RABGEF1: variants seen among roughly 807,000 people sequenced by gnomAD.
RABGEF1 encodes the protein RAB guanine nucleotide exchange factor 1, also known as rab5 GDP/GTP exchange factor.
Under a neutral mutation model 57.3 loss-of-function variants are expected in RABGEF1, and 26 were observed. The observed-to-expected ratio is 0.45, with a 90% CI of 0.33 to 0.63. The LOEUF (loss-of-function observed/expected upper bound fraction) is 0.63, where lower values mean the gene tolerates loss of function less well. RABGEF1 is among the 20% of genes least tolerant of loss of function. The pLI is 0.02. For missense variants in RABGEF1, 464 were observed against 607.6 expected (o/e 0.76, Z 2.48); for synonymous variants, 185 against 210.7 (o/e 0.88, Z 1.06).
At chr7:66,763,678 T>A (rs1300352835) in intron 1 of RABGEF1, among the ~76,000 whole-genome samples, 1 of 152,220 alleles carries the variant, frequency 6.6e-6, no homozygotes, top group Non-Finnish European at 1.5e-5. Flanking sequence ...TGACCACTAC[T>A]CTATTTTCTG....
In RABGEF1 at chr7:66,810,306, T is replaced by A. The variant is rs1308302767; in HGVS notation, c.*1022T>A. ...TCATATTAGTGGCCTGAGAGGTGTT[T>A]GTTGTGGGGCCACCCTGTGCATGGT... On this transcript the variant is annotated 3_prime_UTR_variant, in exon 9 of 9. Coordinates refer to ENST00000284957, the MANE Select transcript of RABGEF1 (RefSeq NM_014504.3). 6.6e-6 allele frequency: 1 copy of A among 152,218 alleles called. No individual in the cohort carries two copies. The highest frequency in any genetic ancestry group is 6.5e-5 in the Admixed American group (1 of 15,282). 9.4% of individuals were successfully genotyped at this position (152,218 alleles called of 1,614,324 possible). A position where few individuals can be genotyped will look rare whatever the true frequency, so the allele number is the denominator to read the frequency against.
chr7:66,787,069 C>T (rs1398440408), intron 4 of RABGEF1, among the ~76,000 whole-genome samples: 1 of 152,106 alleles, frequency 6.6e-6, no homozygotes, highest in Non-Finnish European at 1.5e-5. Context: ...CTCTGTTGGC[C>T]AGGCTGGAGT....
intron 1 of RABGEF1, among the ~76,000 whole-genome samples, chr7:66,683,756 TGAGA>T: frequency 6.8e-6 from 1 of 147,718 alleles, no homozygotes; most frequent in South Asian, 2.1e-4. Context: ...ATTTATTTAT[TGAGA>T]GAGAGGGTCT....
intron 1 of RABGEF1, among the ~76,000 whole-genome samples, chr7:66,741,322 G>A (rs1179990373): frequency 6.6e-6 from 1 of 152,224 alleles, no homozygotes; most frequent in Non-Finnish European, 1.5e-5. Context: ...CCGGAGTTGG[G>A]AGGGGATTTG....
At chr7:66,783,429 A>C (rs1412212803) in intron 3 of RABGEF1, among the ~76,000 whole-genome samples, 1 of 152,242 alleles carries the variant, frequency 6.6e-6, no homozygotes, top group East Asian at 1.9e-4. Flanking sequence ...TACTAATAGA[A>C]CAACTTTTAT....
chr7:66,750,739 G>A (rs2129060944), intron 1 of RABGEF1, among the ~76,000 whole-genome samples: 1 of 152,294 alleles, frequency 6.6e-6, no homozygotes, highest in Non-Finnish European at 1.5e-5. Context: ...TGGACTACAG[G>A]TCCAACCAGT....
chr7:66,784,596 GAAAA>G (rs955846836), intron 4 of RABGEF1, among the ~76,000 whole-genome samples: 1 of 152,204 alleles, frequency 6.6e-6, no homozygotes, highest in African/African-American at 2.4e-5. Context: ...GTCTTAGAAA[GAAAA>G]AGGAAATTAG....
rs138809530 is a variant in RABGEF1 at position 66,796,238 on chromosome 7, T to TA, written c.595+656dup. Among the ~76,000 whole-genome samples, 67 of 149,810 alleles carry TA rather than the reference T, an allele frequency of 4.5e-4. 1 individual carries two copies. Among genetic ancestry groups the TA allele is most frequent in the African/African-American group, 1.1e-3 (44 of 40,930 alleles). On this transcript the variant is annotated intron_variant, in intron 5 of 8. Transcript: ENST00000284957. The stretch of plus-strand genomic sequence containing the variant: ...TTGGTGAGTTATTGTATTAATAGTT[T>TA]AAAAAAAAAAGAGCTTCAAGTTTTT...
intron 2 of RABGEF1, among the ~76,000 whole-genome samples, chr7:66,713,241 A>T (rs1293493586): frequency 6.7e-6 from 1 of 149,752 alleles, no homozygotes; most frequent in Admixed American, 6.7e-5. Context: ...TCCCGGGTTC[A>T]TGCCATTCTT....
the RABGEF1 span, among the ~76,000 whole-genome samples, chr7:66,672,298 G>A: frequency 6.6e-6 from 1 of 151,930 alleles, no homozygotes; most frequent in African/African-American, 2.4e-5. Flanking sequence ...CGGGCGCGGT[G>A]GCGGGCACCT....
At chr7:66,681,115 A>ACCTG, upstream of RABGEF1, among the ~76,000 whole-genome samples, 1 of 152,230 alleles carries the variant, frequency 6.6e-6, no homozygotes, top group East Asian at 1.9e-4. Flanking sequence ...AAATTGGGCA[A>ACCTG]CCTGTCCAAG....
chr7:66,697,755 C>T (rs963663233), intron 1 of RABGEF1, among the ~76,000 whole-genome samples: 1 of 152,134 alleles, frequency 6.6e-6, no homozygotes, highest in African/African-American at 2.4e-5. Flanking sequence ...GGCCGCTAGG[C>T]TGGCCAGGGA....
chr7:66,673,007 C>T, the RABGEF1 span, among the ~76,000 whole-genome samples: 2 of 148,778 alleles, frequency 1.3e-5, no homozygotes, highest in African/African-American at 5.0e-5. Flanking sequence ...TTTTGTTTTT[C>T]AGAGCTCACC....
At chr7:66,788,943 A>G (rs1342130052) in intron 4 of RABGEF1, among the ~76,000 whole-genome samples, 1 of 152,128 alleles carries the variant, frequency 6.6e-6, no homozygotes, top group Non-Finnish European at 1.5e-5. Flanking sequence ...CAACAAGAGC[A>G]AAAAAACTCT....
chr7:66,787,777 G>A (rs540277899), intron 4 of RABGEF1, among the ~76,000 whole-genome samples: 2 of 152,302 alleles, frequency 1.3e-5, no homozygotes, highest in East Asian at 3.9e-4. Context: ...GCTTCATGTG[G>A]TGAGGGCAAT....
At chr7:66,776,053 C>T (rs886288841) in intron 3 of RABGEF1, among the ~76,000 whole-genome samples, 21 of 152,114 alleles carry the variant, frequency 1.4e-4, no homozygotes, top group Admixed American at 6.5e-5. Flanking sequence ...TTGAAGTGGC[C>T]CAACATGAAG....
At chr7:66,807,375 C>A (rs956894247) in intron 8 of RABGEF1, among the ~76,000 whole-genome samples, 1 of 152,216 alleles carries the variant, frequency 6.6e-6, no homozygotes, top group Admixed American at 6.5e-5. Context: ...GTCCTTTGTT[C>A]TGCAACTTCT....
chr7:66,710,851 A>G (rs1359064203), intron 1 of RABGEF1, among the ~76,000 whole-genome samples: 1 of 151,974 alleles, frequency 6.6e-6, no homozygotes, highest in Non-Finnish European at 1.5e-5. Context: ...CTGTAATCGC[A>G]CCATTTTGGG....
At chr7:66,660,858 T>C in the RABGEF1 span, among the ~76,000 whole-genome samples, 6 of 152,208 alleles carry the variant, frequency 3.9e-5, no homozygotes, top group South Asian at 2.1e-4. Context: ...GATGCTAGGG[T>C]CAGACAAAGA....
Sources: gnomAD v4.1 joint callset for allele counts (sites outside exome capture counted in the v4.1 genomes callset) on GRCh38, gnomAD v4.1.1 for gene constraint, MANE v1.5 for transcripts, NCBI Gene and HGNC (gene_info 2026-07-23, HGNC 2026-07-21) for gene names.